KRABD2: variants seen among roughly 807,000 people sequenced by gnomAD.
KRABD2 encodes KRAB domain-containing protein 2.
the KRABD2 span, among the ~76,000 whole-genome samples, chr17:8,362,542 A>T: frequency 3.9e-5 from 6 of 152,220 alleles, no homozygotes; most frequent in Non-Finnish European, 7.3e-5. This position sits in a 1 kb window ranked among gnomAD's most constrained non-coding sequence, Gnocchi z 4.2. Flanking sequence ...CCTATCAGTT[A>T]TGTACTGTTG....
the KRABD2 span, chr17:8,373,515 G>C: frequency 1.5e-5 from 3 of 195,016 alleles, no homozygotes; most frequent in African/African-American, 7.2e-5. Flanking sequence ...GCGTGATCTC[G>C]GCTCCCTACA....
At chr17:8,365,000 C>A in the KRABD2 span, among the ~76,000 whole-genome samples, 3 of 151,778 alleles carry the variant, frequency 2.0e-5, no homozygotes, top group African/African-American at 7.3e-5. The surrounding 1 kb of genome is among the most constrained non-coding windows in gnomAD (Gnocchi z 4.4). Flanking sequence ...CGCCATTGCA[C>A]TCCAGCCTAG....
the KRABD2 span, among the ~76,000 whole-genome samples, chr17:8,374,129 C>T: frequency 6.6e-6 from 1 of 152,224 alleles, no homozygotes; most frequent in African/African-American, 2.4e-5. Context: ...GGAGGTGTAC[C>T]CAACAGCTCA....
At chr17:8,374,937 C>CAAAAAAAAAAA in the KRABD2 span, among the ~76,000 whole-genome samples, 659 of 46,194 alleles carry the variant, frequency 0.014, 62 homozygotes, top group Middle Eastern at 0.036. Context: ...GACTCTGTCA[C>CAAAAAAAAAAA]AAAAAAAAAA....
chr17:8,368,811 A>G, the KRABD2 span: 1 of 231,094 alleles, frequency 4.3e-6, no homozygotes, highest in Non-Finnish European at 8.4e-6. Context: ...TAATTTCTAT[A>G]TTTTCAGTAG....
chr17:8,369,604 C>T, the KRABD2 span: 1 of 1,614,234 alleles, frequency 6.2e-7, no homozygotes, highest in Admixed American at 1.7e-5. Context: ...TCATTGAGCT[C>T]ATGAACAACC....
chr17:8,365,533 T>C, the KRABD2 span: 1 of 152,374 alleles, frequency 6.6e-6, no homozygotes, highest in East Asian at 1.9e-4. Context: ...GTAATAATAA[T>C]GTGGCTTCCG....
the KRABD2 span, among the ~76,000 whole-genome samples, chr17:8,362,150 G>A: frequency 6.6e-6 from 1 of 152,046 alleles, no homozygotes; most frequent in African/African-American, 2.4e-5. This position sits in a 1 kb window ranked among gnomAD's most constrained non-coding sequence, Gnocchi z 4.2. Context: ...TGGCTAACAT[G>A]GTGAAACCCC....
At chr17:8,375,001 T>C in the KRABD2 span, among the ~76,000 whole-genome samples, 1 of 149,798 alleles carries the variant, frequency 6.7e-6, no homozygotes, top group African/African-American at 2.5e-5. Flanking sequence ...TTGGGAGATT[T>C]CACATAAATC....
chr17:8,374,628 TAAAAAA>T, the KRABD2 span, among the ~76,000 whole-genome samples: 1 of 71,434 alleles, frequency 1.4e-5, no homozygotes, highest in Admixed American at 1.6e-4. Flanking sequence ...CAATAAATAC[TAAAAAA>T]AAAAAAAAAA....
chr17:8,375,944 C>T, the KRABD2 span: 1 of 1,230,488 alleles, frequency 8.1e-7, no homozygotes, highest in Non-Finnish European at 1.0e-6. Context: ...AATGTCCTCG[C>T]ATTGATCCTC....
the KRABD2 span, among the ~76,000 whole-genome samples, chr17:8,364,959 G>A: frequency 1.3e-5 from 2 of 151,990 alleles, no homozygotes; most frequent in African/African-American, 2.4e-5. This position sits in a 1 kb window ranked among gnomAD's most constrained non-coding sequence, Gnocchi z 4.4. Context: ...ACCTGAACCC[G>A]GGAGGTGGAG....
chr17:8,366,617 CACAT>C, the KRABD2 span, among the ~76,000 whole-genome samples: 1 of 152,202 alleles, frequency 6.6e-6, no homozygotes, highest in African/African-American at 2.4e-5. Flanking sequence ...AAAGGGATGG[CACAT>C]ACAGTTTCTC....
At chr17:8,369,340 A>G in the KRABD2 span, 2 of 1,614,256 alleles carry the variant, frequency 1.2e-6, no homozygotes, top group Non-Finnish European at 1.7e-6. Flanking sequence ...TCCCGGGGCA[A>G]GTTTGAGGAA....
the KRABD2 span, among the ~76,000 whole-genome samples, chr17:8,374,422 G>A: frequency 1.3e-5 from 2 of 152,142 alleles, no homozygotes; most frequent in East Asian, 3.9e-4. Context: ...GATGCTTGAA[G>A]GCAGCATGCT....
the KRABD2 span, chr17:8,375,850 C>G: frequency 1.7e-6 from 2 of 1,202,232 alleles, no homozygotes; most frequent in Non-Finnish European, 2.1e-6. Context: ...ACGAGTTGGT[C>G]AGAGAAAACT....
the KRABD2 span, among the ~76,000 whole-genome samples, chr17:8,372,706 G>C: frequency 6.6e-6 from 1 of 152,338 alleles, no homozygotes; most frequent in East Asian, 1.9e-4. The surrounding 1 kb of genome is among the most constrained non-coding windows in gnomAD (Gnocchi z 4.1). Context: ...GTGCTGTGTT[G>C]GTTGTTATTT....
At chr17:8,366,432 T>C in the KRABD2 span, among the ~76,000 whole-genome samples, 2 of 152,210 alleles carry the variant, frequency 1.3e-5, no homozygotes, top group African/African-American at 4.8e-5. Context: ...TCCCTGACTA[T>C]TGGTCACTTC....
At chr17:8,374,919 C>T in the KRABD2 span, among the ~76,000 whole-genome samples, 1 of 75,016 alleles carries the variant, frequency 1.3e-5, no homozygotes, top group Non-Finnish European at 2.3e-5. Context: ...GCCTGGGCGA[C>T]AGAGCCAGAC....
Sources: gnomAD v4.1 joint callset for allele counts (sites outside exome capture counted in the v4.1 genomes callset) on GRCh38, gnomAD v4.1.1 for gene constraint, Gnocchi (gnomAD v3.1) non-coding constraint, MANE v1.5 for transcripts, NCBI Gene and HGNC (gene_info 2026-07-23, HGNC 2026-07-21) for gene names.